FSHR: variants seen among roughly 807,000 people sequenced by gnomAD.
FSHR encodes the protein follicle-stimulating hormone receptor.
In FSHR, 46 loss-of-function variants were observed where a neutral mutation model predicts 52.1. The observed-to-expected ratio is 0.88, with a 90% CI of 0.70 to 1.13. The LOEUF is 1.13. Ranked by LOEUF, FSHR falls within the 50% of genes most tolerant of loss-of-function variation. FSHR has a pLI of 0.00. For missense variants in FSHR, 964 were observed against 834.6 expected (o/e 1.16, Z -1.91); for synonymous variants, 399 against 309.6 (o/e 1.29, Z -3.03).
Position 48,982,187 on chromosome 2 carries a change from G to C in FSHR, c.668+725C>G, listed in dbSNP as rs1675280259. 2.0e-5 allele frequency among the ~76,000 whole-genome samples: 3 copies of C among 152,304 alleles called. No individual in the cohort carries two copies. The South Asian group carries it at 6.2e-4, about 32-fold the overall frequency. On this transcript the variant is annotated intron_variant, in intron 8 of 9. Coordinates refer to ENST00000406846, the MANE Select transcript of FSHR (RefSeq NM_000145.4). ...CACGGGAAGAAGTCACTGATGGCGA[G>C]GTTGTCAGAGAGACTTGAGGAGGTA...
chr2:49,145,491 C>A (rs192437784), intron 1 of FSHR, among the ~76,000 whole-genome samples: 1 of 152,056 alleles, frequency 6.6e-6, no homozygotes, highest in Admixed American at 6.6e-5. Context: ...ATGGGACAGG[C>A]CAATGGCTGT....
intron 1 of FSHR, among the ~76,000 whole-genome samples, chr2:49,083,671 C>T (rs1292447292): frequency 6.7e-6 from 1 of 148,732 alleles, no homozygotes; most frequent in Non-Finnish European, 1.5e-5. Flanking sequence ...AAATGAAAAA[C>T]AAAAAAAGGC....
At chr2:48,970,955 T>C (rs1457576180) in intron 8 of FSHR, among the ~76,000 whole-genome samples, 1 of 152,196 alleles carries the variant, frequency 6.6e-6, no homozygotes, top group East Asian at 1.9e-4. Context: ...GACTTTGGTC[T>C]AAGTCACCAC....
At chr2:49,122,589 G>C (rs1671857528) in intron 1 of FSHR, among the ~76,000 whole-genome samples, 1 of 152,076 alleles carries the variant, frequency 6.6e-6, no homozygotes, top group African/African-American at 2.4e-5. Flanking sequence ...CCTGCATTCT[G>C]TCTCCTCCCT....
chr2:49,075,876 G>T (rs1669933275), intron 1 of FSHR, among the ~76,000 whole-genome samples: 1 of 152,136 alleles, frequency 6.6e-6, no homozygotes, highest in South Asian at 2.1e-4. Flanking sequence ...CTTGGCTGGA[G>T]TGAACCACCT....
chr2:49,139,666 C>T (rs1186163611), intron 1 of FSHR, among the ~76,000 whole-genome samples: 2 of 150,244 alleles, frequency 1.3e-5, no homozygotes, highest in African/African-American at 4.9e-5. Context: ...GGCATGATCA[C>T]GGCTCACTGC....
intron 6 of FSHR, among the ~76,000 whole-genome samples, chr2:48,987,468 C>G (rs747992143): frequency 2.0e-5 from 3 of 152,024 alleles, no homozygotes; most frequent in Non-Finnish European, 4.4e-5. Flanking sequence ...CCTCTGTCTC[C>G]CAAAGTGCTT....
chr2:49,141,853 G>C (rs1672699340), intron 1 of FSHR, among the ~76,000 whole-genome samples: 2 of 152,074 alleles, frequency 1.3e-5, no homozygotes, highest in Admixed American at 1.3e-4. Flanking sequence ...ACAAAGAATG[G>C]GCATGTTAAA....
intron 2 of FSHR, among the ~76,000 whole-genome samples, chr2:49,064,224 G>T (rs1282364220): frequency 6.6e-6 from 1 of 151,664 alleles, no homozygotes; most frequent in East Asian, 1.9e-4. Flanking sequence ...GTTGAAGGCT[G>T]TTGCAGTTAC....
At chr2:49,013,910 C>T (rs1392595523) in intron 4 of FSHR, among the ~76,000 whole-genome samples, 1 of 151,942 alleles carries the variant, frequency 6.6e-6, no homozygotes, top group Non-Finnish European at 1.5e-5. Context: ...AATGCCCTTA[C>T]AAAAAGAGGA....
Position 49,017,499 on chromosome 2 carries a change from G to A in FSHR, c.364C>T (p.Leu122Phe), listed in dbSNP as rs1287744138. ...TACATGAGTTCTTACAGATATTGAA[G>A]GTTGGGAAGGTTCTGGAAGGCCTCA... ...NPEAFQNLPN[L>F]QYLLISNTGI... Residue 122 changes from leucine (L) to phenylalanine (F), a missense_variant, in exon 4 of 10, where the codon CTT (leucine) becomes TTT (phenylalanine). Physicochemically the swap from Leu to Phe is conservative, Grantham distance 22. Coordinates refer to ENST00000406846, the MANE Select transcript of FSHR (RefSeq NM_000145.4). 1 of 1,612,304 alleles carries A rather than the reference G, an allele frequency of 6.2e-7. No individual in the cohort carries two copies. The highest frequency in any genetic ancestry group is 1.7e-5 in the Admixed American group (1 of 59,936).
intron 2 of FSHR, among the ~76,000 whole-genome samples, chr2:49,020,507 AT>A (rs3082696): frequency 0.12 from 17,446 of 146,840 alleles, 1,502 homozygotes; most frequent in East Asian, 0.24. Context: ...GTCAGTAAAC[AT>A]TTTTTTTTTT....
At chr2:49,110,207 T>C (rs1234641386) in intron 1 of FSHR, among the ~76,000 whole-genome samples, 1 of 152,208 alleles carries the variant, frequency 6.6e-6, no homozygotes, top group Non-Finnish European at 1.5e-5. Context: ...TTTTTACCTT[T>C]ATTAGCTTAT....
intron 2 of FSHR, among the ~76,000 whole-genome samples, chr2:49,021,884 T>TAGAG (rs1221533451): frequency 3.1e-3 from 113 of 36,540 alleles, no homozygotes; most frequent in Non-Finnish European, 4.2e-3. Flanking sequence ...TATATATATA[T>TAGAG]ATAGAGAGAG....
At chr2:48,975,909 A>G (rs1473060404) in intron 8 of FSHR, among the ~76,000 whole-genome samples, 1 of 152,120 alleles carries the variant, frequency 6.6e-6, no homozygotes, top group Admixed American at 6.5e-5. Context: ...GGGTTTTCTA[A>G]ATATACAATC....
chr2:49,137,211 G>T (rs1291246328), intron 1 of FSHR, among the ~76,000 whole-genome samples: 1 of 151,834 alleles, frequency 6.6e-6, no homozygotes, highest in Non-Finnish European at 1.5e-5. Flanking sequence ...CTCTGTACTT[G>T]CAATGAACAA....
rs1026267352 is a variant in FSHR, at chr2:49,020,033, T to A, written c.299+53A>T. 2.1e-6 allele frequency: 3 copies of A among 1,460,444 alleles called. No individual in the cohort carries two copies. In the African/African-American group the frequency reaches 4.2e-5, roughly 20 times the overall value. 90.5% of individuals were successfully genotyped at this position (1,460,444 alleles called of 1,614,324 possible). On this transcript the variant is annotated intron_variant, in intron 3 of 9. Coordinates refer to ENST00000406846, the MANE Select transcript of FSHR (RefSeq NM_000145.4). ...GCCTCCCAGGAATGTAGAAGAACTT[T>A]AAGGGTTTTTTCAAGAATGGCCATG...
intron 1 of FSHR, among the ~76,000 whole-genome samples, chr2:49,094,357 ATAATT>A (rs1271144155): frequency 6.6e-6 from 1 of 152,206 alleles, no homozygotes; most frequent in African/African-American, 2.4e-5. Context: ...ACATATTTAA[ATAATT>A]TAAGAGGGGA....
At chr2:49,050,293 A>G (rs1468302934) in intron 2 of FSHR, among the ~76,000 whole-genome samples, 1 of 152,160 alleles carries the variant, frequency 6.6e-6, no homozygotes, top group Non-Finnish European at 1.5e-5. Context: ...TACTCTTAGC[A>G]GGAGCTTTAC....
Sources: allele counts gnomAD v4.1 joint callset (sites outside exome capture counted in the v4.1 genomes callset), GRCh38; gene constraint gnomAD v4.1.1; transcripts MANE v1.5; gene names NCBI Gene and HGNC (gene_info 2026-07-23, HGNC 2026-07-21).